EYA4: variants seen among roughly 807,000 people sequenced by gnomAD.
EYA4 encodes the protein EYA transcriptional coactivator and phosphatase 4.
EYA4 carries 31 observed loss-of-function variants against 87.9 expected under a neutral mutation model. The observed-to-expected ratio is 0.35, with a 90% CI of 0.27 to 0.48. The LOEUF is 0.48. Ranked by LOEUF, EYA4 falls within the 20% of genes least tolerant of loss-of-function variation. The pLI is 0.99. For missense variants in EYA4, 678 were observed against 761.4 expected (o/e 0.89, Z 1.29); for synonymous variants, 263 against 270.6 (o/e 0.97, Z 0.28).
intron 3 of EYA4, among the ~76,000 whole-genome samples, chr6:133,393,215 C>T (rs1247468792): frequency 1.3e-5 from 2 of 152,042 alleles, no homozygotes; most frequent in Admixed American, 6.6e-5. Flanking sequence ...TCATGCTTGG[C>T]CAACTCTAGA....
chr6:133,506,954 C>T (rs186079100), intron 14 of EYA4, among the ~76,000 whole-genome samples: 3 of 152,218 alleles, frequency 2.0e-5, no homozygotes, highest in Non-Finnish European at 4.4e-5. Context: ...AAGTACTTCT[C>T]AGTCAAGCAT....
intron 2 of EYA4, among the ~76,000 whole-genome samples, chr6:133,302,262 G>A (rs1261321433): frequency 1.3e-5 from 2 of 151,962 alleles, no homozygotes; most frequent in Non-Finnish European, 2.9e-5. Flanking sequence ...GATTTCTCTA[G>A]CAATGGTGTA....
Position 133,456,735 on chromosome 6 carries a change from A to G in EYA4, c.370+87A>G. On this transcript the variant is annotated intron_variant, in intron 6 of 19. Transcript: ENST00000355286. ...CGGGAATAAGCAACATAAGCATCCA[A>G]GCTCTTAGAACTTTGATCCTTATAA... is the stretch of plus-strand genomic sequence containing the variant. The G allele has an allele frequency of 3.6e-6, 3 of 834,984 alleles. No homozygotes were observed. The South Asian group carries it at 4.2e-5, about 12-fold the overall frequency. The allele number at this position is 834,984 out of a possible 1,614,324, so 51.7% of individuals were successfully genotyped here. A position where few individuals can be genotyped will look rare whatever the true frequency, so the allele number is the denominator to read the frequency against.
intron 13 of EYA4, among the ~76,000 whole-genome samples, chr6:133,485,985 T>C (rs1239428370): frequency 6.6e-6 from 1 of 152,248 alleles, no homozygotes; most frequent in Non-Finnish European, 1.5e-5. Flanking sequence ...TTCTGATGCT[T>C]ACAGCATTCT....
chr6:133,325,425 C>G (rs2128367662), intron 2 of EYA4: 1 of 152,082 alleles, frequency 6.6e-6, no homozygotes, highest in African/African-American at 2.4e-5. Flanking sequence ...GTAAACGTAT[C>G]CATTGGGAGG....
intron 3 of EYA4, among the ~76,000 whole-genome samples, chr6:133,439,885 G>A (rs549851144): frequency 6.6e-6 from 1 of 152,318 alleles, no homozygotes; most frequent in South Asian, 2.1e-4. Flanking sequence ...ACTCTAATAA[G>A]TTAAGATATT....
chr6:133,278,065 T>C (rs1434192681), intron 2 of EYA4, among the ~76,000 whole-genome samples: 1 of 152,130 alleles, frequency 6.6e-6, no homozygotes, highest in Non-Finnish European at 1.5e-5. Context: ...CTCAAGTGTG[T>C]CATCAAGCAT....
intron 13 of EYA4, among the ~76,000 whole-genome samples, chr6:133,486,325 T>C (rs1304785061): frequency 6.6e-6 from 1 of 151,244 alleles, no homozygotes; most frequent in Admixed American, 6.6e-5. Flanking sequence ...TATTGAGAAG[T>C]AGCTAAATAA....
At chr6:133,468,813 A>G (rs996479654) in intron 11 of EYA4, 82 bp downstream of exon 11, 1 of 1,401,882 alleles carries the variant, frequency 7.1e-7, no homozygotes, top group Non-Finnish European at 1.0e-6. Flanking sequence ...TTCCAAAAAC[A>G]TGGCGGAAAG....
chr6:133,339,406 G>C (rs1782620036), intron 2 of EYA4, among the ~76,000 whole-genome samples: 1 of 152,200 alleles, frequency 6.6e-6, no homozygotes, highest in African/African-American at 2.4e-5. Context: ...AATGGTTGCA[G>C]TTAGGTCAGA....
chr6:133,513,144 G>A, intron 16 of EYA4, 106 bp downstream of exon 16: 1 of 1,231,726 alleles, frequency 8.1e-7, no homozygotes, highest in Non-Finnish European at 1.2e-6. Context: ...ACAAGCAAAA[G>A]CTCATATTAA....
chr6:133,456,555 G>T lies in EYA4; in HGVS notation c.278-1G>T. 1 of 1,602,476 alleles carries T rather than the reference G, an allele frequency of 6.2e-7. No homozygotes were observed. The highest frequency in any genetic ancestry group is 8.6e-7 in the Non-Finnish European group (1 of 1,169,514). ...TCACATGTACTTATTCTTCTACGTA[G>T]TGTCTCTTCTTGCAGTCAAAACAGA... On this transcript the variant is annotated splice_acceptor_variant, in intron 5 of 19. Transcript: ENST00000355286. LOFTEE classifies it high-confidence loss of function.
chr6:133,421,932 A>G (rs575393425), intron 3 of EYA4, among the ~76,000 whole-genome samples: 30 of 152,318 alleles, frequency 2.0e-4, no homozygotes, highest in African/African-American at 7.2e-4. Flanking sequence ...TTTTGAAGAT[A>G]TGATATGCCT....
intron 2 of EYA4, among the ~76,000 whole-genome samples, chr6:133,356,729 G>A (rs1022894633): frequency 6.7e-6 from 1 of 149,842 alleles, no homozygotes; most frequent in African/African-American, 2.5e-5. Flanking sequence ...AGCATTTGAA[G>A]TGTCAAAGCA....
Position 133,463,463 on chromosome 6 carries a change from C to T in EYA4, c.724+699C>T, listed in dbSNP as rs746017555. On this transcript the variant is annotated intron_variant, in intron 9 of 19. Coordinates refer to ENST00000355286, the MANE Select transcript of EYA4 (RefSeq NM_004100.5). ...GCAACCTCCACCTCCTGGGTTCAAG[C>T]GATTCTCCTGCCTCAGCCTCCTGAG... Among the ~76,000 whole-genome samples, 10 of 150,272 alleles carry T rather than the reference C, an allele frequency of 6.7e-5. 1 individual carries two copies. The Middle Eastern group carries it at 0.01, about 155-fold the overall frequency.
At chr6:133,501,140 C>T (rs1798082233) in intron 13 of EYA4, among the ~76,000 whole-genome samples, 1 of 152,078 alleles carries the variant, frequency 6.6e-6, no homozygotes, top group Non-Finnish European at 1.5e-5. Context: ...CTCTGTTTCT[C>T]TCTCTGCCAT....
At chr6:133,375,349 T>A (rs1785593773) in intron 2 of EYA4, among the ~76,000 whole-genome samples, 1 of 152,030 alleles carries the variant, frequency 6.6e-6, no homozygotes, top group Non-Finnish European at 1.5e-5. Flanking sequence ...TATATTTTCT[T>A]TCACACCTGT....
chr6:133,314,223 A>G (rs1582928169), intron 2 of EYA4, among the ~76,000 whole-genome samples: 1 of 152,206 alleles, frequency 6.6e-6, no homozygotes, highest in African/African-American at 2.4e-5. Flanking sequence ...TGAGAAAAAT[A>G]TAAGTAGCAC....
At chr6:133,407,436 TGTTA>T (rs1296652621) in intron 3 of EYA4, among the ~76,000 whole-genome samples, 1 of 152,094 alleles carries the variant, frequency 6.6e-6, no homozygotes, top group East Asian at 1.9e-4. Flanking sequence ...GGGCTTTGGC[TGTTA>T]CTCACTCACC....
Sources: gnomAD v4.1 joint callset for allele counts (sites outside exome capture counted in the v4.1 genomes callset) on GRCh38, gnomAD v4.1.1 for gene constraint, MANE v1.5 for transcripts, NCBI Gene and HGNC (gene_info 2026-07-23, HGNC 2026-07-21) for gene names.